The following UBE2D2 variants were observed in gnomAD, a reference collection of about 807,000 sequenced individuals.
The protein encoded by UBE2D2 is ubiquitin conjugating enzyme E2 D2.
Under a neutral mutation model 24.2 loss-of-function variants are expected in UBE2D2, and 2 were observed. The observed-to-expected ratio is 0.08, with a 90% CI of 0.03 to 0.26. The LOEUF (loss-of-function observed/expected upper bound fraction) is 0.26. Ranked by LOEUF, UBE2D2 falls within the 10% of genes least tolerant of loss-of-function variation. The pLI is 1.00. For synonymous variants in UBE2D2, 58 were observed against 56.5 expected, an observed-to-expected ratio of 1.03 and a Z score of -0.12; for missense variants, 44 against 177.6, an observed-to-expected ratio of 0.25 and a Z score of 4.28.
At chr5:139,532,815 A>C (rs1209643360) in intron 1 of UBE2D2, among the ~76,000 whole-genome samples, 1 of 152,100 alleles carries the variant, frequency 6.6e-6, no homozygotes, top group Non-Finnish European at 1.5e-5. Flanking sequence ...TGTGCTAAAA[A>C]ATGAACCTCA....
In UBE2D2 at chr5:139,561,575, A is replaced by C; in HGVS notation, c.-217A>C. On this transcript the variant is annotated 5_prime_UTR_variant, in exon 1 of 7. Coordinates refer to ENST00000398733, the MANE Select transcript of UBE2D2 (RefSeq NM_003339.3). ...TGGCGGCTAGGGCGGCGGCGAATAA[A>C]GGGGCCGCCGCCGGGTGATGCGGTG... is the stretch of plus-strand genomic sequence containing the variant. 1 of 421,314 alleles carries C rather than the reference A, an allele frequency of 2.4e-6. No individual in the cohort carries two copies. The highest frequency in any genetic ancestry group is 4.2e-6 in the Non-Finnish European group (1 of 239,860). 26.1% of individuals were successfully genotyped at this position (421,314 alleles called of 1,614,324 possible). A position where few individuals can be genotyped will look rare whatever the true frequency, so the allele number is the denominator to read the frequency against.
intron 1 of UBE2D2, among the ~76,000 whole-genome samples, chr5:139,552,454 CA>C (rs1752931796): frequency 1.3e-5 from 2 of 151,798 alleles, no homozygotes; most frequent in Admixed American, 1.3e-4. Flanking sequence ...ATGCATGAAC[CA>C]CCGTGCCCAG....
In UBE2D2 at chr5:139,591,529, GATTGAT is replaced by G. The variant is rs1258012004; in HGVS notation, c.25-8835_25-8830del. 3.9e-5 allele frequency among the ~76,000 whole-genome samples: 6 copies of G among 152,262 alleles called. No individual in the cohort carries two copies. The South Asian group carries it at 1.2e-3, about 32-fold the overall frequency. ...TCTGCTTATAGTTAGTTCAGGGAGAGATTGATATTGATACATGTTTCCATCGGTTTG... is the reference window on the plus strand; with the variant it reads ...TCTGCTTATAGTTAGTTCAGGGAGAGATTGATACATGTTTCCATCGGTTTG... On this transcript the variant is annotated intron_variant, in intron 1 of 6. Transcript: ENST00000398733.
At chr5:139,528,507 C>G (rs1365333651) in intron 1 of UBE2D2, among the ~76,000 whole-genome samples, 1 of 152,188 alleles carries the variant, frequency 6.6e-6, no homozygotes, top group African/African-American at 2.4e-5. Flanking sequence ...AACAACTAGA[C>G]GGGGTTTCCA....
At chr5:139,527,880 A>G (rs1235432652) in intron 1 of UBE2D2, among the ~76,000 whole-genome samples, 1 of 152,258 alleles carries the variant, frequency 6.6e-6, no homozygotes, top group Non-Finnish European at 1.5e-5. Context: ...ATTAAACAAA[A>G]GCAATTGTTA....
At chr5:139,592,759 T>C (rs191642) in intron 1 of UBE2D2, among the ~76,000 whole-genome samples, 12,307 of 146,762 alleles carry the variant, frequency 0.084, 614 homozygotes, top group Middle Eastern at 0.13. Context: ...CGTGCCACGA[T>C]GCCCGGCTAA....
At chr5:139,585,696 T>C (rs1276777744) in intron 1 of UBE2D2, among the ~76,000 whole-genome samples, 1 of 152,126 alleles carries the variant, frequency 6.6e-6, no homozygotes, top group Non-Finnish European at 1.5e-5. Flanking sequence ...TTCCAGTCTC[T>C]ACAGAATGCA....
intron 1 of UBE2D2, among the ~76,000 whole-genome samples, chr5:139,594,594 A>G (rs542994648): frequency 7.8e-4 from 119 of 152,038 alleles, no homozygotes; most frequent in Non-Finnish European, 1.5e-3. Flanking sequence ...TTGTATTTTT[A>G]GTACAGTCCA....
At chr5:139,569,534 A>G (rs1196004071) in intron 1 of UBE2D2, among the ~76,000 whole-genome samples, 1 of 152,180 alleles carries the variant, frequency 6.6e-6, no homozygotes, top group East Asian at 1.9e-4. Context: ...GCAGAAACAC[A>G]CTTGTTTTGT....
At chr5:139,603,385 G>A (rs542832314) in intron 2 of UBE2D2, among the ~76,000 whole-genome samples, 8 of 152,266 alleles carry the variant, frequency 5.3e-5, no homozygotes, top group East Asian at 3.9e-4. Context: ...GATGGTTCAC[G>A]TCTGTAATCC....
Position 139,561,646 on chromosome 5 carries a change from C to A in UBE2D2, c.-146C>A, listed in dbSNP as rs1056443521. ...AGCTGAGTGGGCCCCGGCCCTCAGC[C>A]CGTCCCGCCGGACCCGCTTTCCTCA... is the stretch of plus-strand genomic sequence containing the variant. On this transcript the variant is annotated 5_prime_UTR_variant, in exon 1 of 7. Transcript: ENST00000398733. The A allele has an allele frequency of 3.5e-6, 2 of 566,250 alleles. No homozygotes were observed. Among genetic ancestry groups the A allele is most frequent in the Non-Finnish European group, 5.8e-6 (2 of 345,340 alleles). 35.1% of individuals were successfully genotyped at this position (566,250 alleles called of 1,614,324 possible). A position where few individuals can be genotyped will look rare whatever the true frequency, so the allele number is the denominator to read the frequency against.
chr5:139,537,107 C>A (rs768353542), intron 1 of UBE2D2, among the ~76,000 whole-genome samples: 1 of 150,478 alleles, frequency 6.6e-6, no homozygotes, highest in South Asian at 2.1e-4. Flanking sequence ...GGCATGAACC[C>A]GGGAGGCGGT....
intron 5 of UBE2D2, among the ~76,000 whole-genome samples, chr5:139,622,144 A>C (rs1460833941): frequency 6.6e-6 from 1 of 152,192 alleles, no homozygotes; most frequent in Non-Finnish European, 1.5e-5. Context: ...GATTGTTGTG[A>C]GACTTTGCAC....
At chr5:139,623,142 A>G (rs1344103639) in intron 5 of UBE2D2, among the ~76,000 whole-genome samples, 1 of 152,176 alleles carries the variant, frequency 6.6e-6, no homozygotes, top group East Asian at 1.9e-4. Flanking sequence ...GTTCGAGACC[A>G]GCCTGGCCAA....
intron 1 of UBE2D2, among the ~76,000 whole-genome samples, chr5:139,540,912 T>A (rs989219123): frequency 6.6e-6 from 1 of 151,490 alleles, no homozygotes; most frequent in African/African-American, 2.4e-5. Context: ...GAGAATTGCT[T>A]GAACCTGGAG....
At chr5:139,616,003 T>C (rs1312685485) in intron 5 of UBE2D2, among the ~76,000 whole-genome samples, 3 of 150,830 alleles carry the variant, frequency 2.0e-5, no homozygotes, top group Non-Finnish European at 4.4e-5. Flanking sequence ...GCCTAGCTAA[T>C]TTTTGTATTT....
upstream of UBE2D2, among the ~76,000 whole-genome samples, chr5:139,559,024 C>CTCCT (rs1753016178): frequency 2.6e-5 from 4 of 152,056 alleles, no homozygotes; most frequent in Admixed American, 2.6e-4. Flanking sequence ...TGGTCTGGAA[C>CTCCT]TCCTGAGTTC....
At chr5:139,613,633 C>T (rs935334979) in intron 2 of UBE2D2, among the ~76,000 whole-genome samples, 1 of 151,950 alleles carries the variant, frequency 6.6e-6, no homozygotes, top group African/African-American at 2.4e-5. Context: ...TTATCCTTTA[C>T]ATTAGGAGAG....
chr5:139,603,364 C>T (rs373358932), intron 2 of UBE2D2, among the ~76,000 whole-genome samples: 1 of 152,112 alleles, frequency 6.6e-6, no homozygotes, highest in Non-Finnish European at 1.5e-5. Flanking sequence ...AACTCTCCCA[C>T]AGCCGAGTGC....
Sources: allele counts gnomAD v4.1 joint callset (sites outside exome capture counted in the v4.1 genomes callset), GRCh38; gene constraint gnomAD v4.1.1; transcripts MANE v1.5; gene names NCBI Gene and HGNC (gene_info 2026-07-23, HGNC 2026-07-21).